Variants in SETBP1 observed in about 807,000 individuals in gnomAD.
The protein encoded by SETBP1 is SET binding protein 1.
A neutral mutation model predicts 101.0 loss-of-function variants in SETBP1; 9 were observed. That is an observed-to-expected ratio of 0.09 (90% CI 0.05 to 0.16). The LOEUF is 0.16. SETBP1 is among the 10% of genes least tolerant of loss of function. The pLI is 1.00. For missense variants in SETBP1, 1,858 were observed against 2,033.8 expected, an observed-to-expected ratio of 0.91 and a Z score of 1.66; for synonymous variants, 818 against 788.5, an observed-to-expected ratio of 1.04 and a Z score of -0.63.
chr18:44,878,757 T>C (rs2069465888), intron 3 of SETBP1, among the ~76,000 whole-genome samples: 1 of 152,174 alleles, frequency 6.6e-6, no homozygotes, highest in Non-Finnish European at 1.5e-5. Context: ...TTTTTGTCCT[T>C]CCACCTATCT....
chr18:44,701,446 G>T lies in SETBP1; in HGVS notation c.100G>T (p.Ala34Ser), dbSNP rs1234829999. Residue 34 changes from alanine (A) to serine (S), a missense_variant, in exon 2 of 6, where the codon GCA becomes TCA. Around this residue, in one of 12 missense-constraint regions of SETBP1, gnomAD observed 97 missense variants for 101.2 expected, o/e 0.96. Coordinates refer to ENST00000649279, the MANE Select transcript of SETBP1 (RefSeq NM_015559.3). ...SAKPPAAPGC[A>S]GEPLLSTPGP... ...CAAGCCCCCAGCTGCTCCTGGCTGT[G>T]CAGGAGAACCTTTGCTCTCCACTCC... The T allele has an allele frequency of 1.9e-6, 3 of 1,611,224 alleles. No individual in the cohort carries two copies. Among genetic ancestry groups the T allele is most frequent in the Admixed American group, 3.4e-5 (2 of 59,668 alleles).
At position 44,773,793 on chromosome 18, in the gene SETBP1, C is replaced by CCTCTCT. The variant is rs377709717; in HGVS notation, c.486+71986_486+71991dup. 1.3e-3 allele frequency among the ~76,000 whole-genome samples: 178 copies of CCTCTCT among 133,320 alleles called. 1 individual carries two copies. The highest frequency in any genetic ancestry group is 3.9e-3 in the African/African-American group (137 of 35,232). The allele number at this position is 133,320 out of a possible 152,430, so 87.5% of individuals were successfully genotyped here. A position where few individuals can be genotyped will look rare whatever the true frequency, so the allele number is the denominator to read the frequency against. ...GGTTCCAAGTATTAATCTCAACCAG[C>CCTCTCT]CTCTCTCTCTCTCTCTCTCTCTCTC... On this transcript the variant is annotated intron_variant, in intron 2 of 5. Coordinates refer to ENST00000649279, the MANE Select transcript of SETBP1 (RefSeq NM_015559.3).
intron 3 of SETBP1, among the ~76,000 whole-genome samples, chr18:44,913,594 G>A (rs2070362273): frequency 6.6e-6 from 1 of 152,224 alleles, no homozygotes; most frequent in Non-Finnish European, 1.5e-5. Flanking sequence ...GATGTCCTTG[G>A]AAAGGGCTAC....
intron 2 of SETBP1, among the ~76,000 whole-genome samples, chr18:44,711,233 C>T (rs1196562729): frequency 6.8e-6 from 1 of 146,530 alleles, no homozygotes; most frequent in African/African-American, 2.5e-5. Context: ...CCATTCCTCC[C>T]TCCCTCCCCT....
At chr18:45,012,301 T>C (rs1191595568) in intron 4 of SETBP1, among the ~76,000 whole-genome samples, 1 of 152,100 alleles carries the variant, frequency 6.6e-6, no homozygotes, top group African/African-American at 2.4e-5. Context: ...TGTATTGTGG[T>C]TATCATGGGA....
At chr18:44,897,208 G>T (rs956593238) in intron 3 of SETBP1, among the ~76,000 whole-genome samples, 1 of 152,184 alleles carries the variant, frequency 6.6e-6, no homozygotes, top group Admixed American at 6.5e-5. Flanking sequence ...ACCCAAATTG[G>T]TGAGGTGTGG....
intron 2 of SETBP1, among the ~76,000 whole-genome samples, chr18:44,807,223 G>T (rs1249542779): frequency 6.6e-6 from 1 of 152,030 alleles, no homozygotes; most frequent in African/African-American, 2.4e-5. Flanking sequence ...TTTATAGATT[G>T]TACATATAGT....
chr18:44,848,738 A>G (rs1020744104), intron 2 of SETBP1, among the ~76,000 whole-genome samples: 1 of 152,222 alleles, frequency 6.6e-6, no homozygotes. Flanking sequence ...TTATTTGAGC[A>G]TTGTCATTCG....
At chr18:44,904,333 C>A (rs930296136) in intron 3 of SETBP1, among the ~76,000 whole-genome samples, 104 of 152,288 alleles carry the variant, frequency 6.8e-4, no homozygotes, top group African/African-American at 2.4e-3. Flanking sequence ...TTGCTCTATG[C>A]CTGGGAGTGA....
chr18:44,763,774 G>T (rs1304532809), intron 2 of SETBP1, among the ~76,000 whole-genome samples: 1 of 152,046 alleles, frequency 6.6e-6, no homozygotes, highest in African/African-American at 2.4e-5. Context: ...TTTAAAATAT[G>T]TTTCCCTTGG....
chr18:45,020,708 C>T (rs1343185601), intron 4 of SETBP1, among the ~76,000 whole-genome samples: 1 of 152,182 alleles, frequency 6.6e-6, no homozygotes, highest in East Asian at 1.9e-4. Flanking sequence ...TGTCCTGAAT[C>T]TCTGTCCTCT....
intron 4 of SETBP1, among the ~76,000 whole-genome samples, chr18:45,037,667 T>C (rs2073424236): frequency 6.6e-6 from 1 of 152,184 alleles, no homozygotes; most frequent in African/African-American, 2.4e-5. Context: ...TAGCTCTTAC[T>C]GTTTGTTACA....
intron 3 of SETBP1, among the ~76,000 whole-genome samples, chr18:44,917,495 G>GATAT (rs2070458470): frequency 6.6e-6 from 1 of 152,088 alleles, no homozygotes; most frequent in African/African-American, 2.4e-5. Flanking sequence ...TTTTAACCCA[G>GATAT]GACCAAGTTA....
intron 4 of SETBP1, among the ~76,000 whole-genome samples, chr18:45,023,725 A>C (rs1400076561): frequency 6.6e-6 from 1 of 152,162 alleles, no homozygotes; most frequent in Non-Finnish European, 1.5e-5. Flanking sequence ...TGTCCACCCT[A>C]AATGCCTTTT....
intron 2 of SETBP1, among the ~76,000 whole-genome samples, chr18:44,722,466 G>C (rs960446852): frequency 2.0e-5 from 3 of 152,190 alleles, no homozygotes; most frequent in African/African-American, 7.2e-5. Context: ...GGAGATGTTA[G>C]AGTAGTATTT....
At position 45,038,630 on chromosome 18, in the gene SETBP1, T is replaced by C. The variant is rs573529700; in HGVS notation, c.4146T>C (p.Ala1382=). The part of the protein sequence containing the change: ...IPPAPVLSLL[A]ASAATSDAVG... The stretch of plus-strand genomic sequence containing the variant: ...CAGCCCCAGTGTTATCTCTCCTTGC[T>C]GCATCTGCAGCAACGTCGGATGCAG... Residue 1382 remains alanine, a synonymous_variant, in exon 5 of 6, where the codon GCT becomes GCC. Transcript: ENST00000649279. 6.2e-6 allele frequency: 10 copies of C among 1,614,190 alleles called. No individual in the cohort carries two copies. In the Admixed American group the frequency reaches 6.7e-5, roughly 11 times the overall value.
intron 3 of SETBP1, among the ~76,000 whole-genome samples, chr18:44,918,721 C>T (rs558695649): frequency 6.6e-6 from 1 of 152,314 alleles, no homozygotes; most frequent in Admixed American, 6.5e-5. Context: ...AGAATGTTTA[C>T]AAAAGAAGAT....
intron 3 of SETBP1, among the ~76,000 whole-genome samples, chr18:44,927,818 C>T (rs919581730): frequency 3.3e-5 from 5 of 152,052 alleles, no homozygotes; most frequent in Non-Finnish European, 5.9e-5. Context: ...ATGCTGTACC[C>T]CTGTTAGTGG....
intron 3 of SETBP1, among the ~76,000 whole-genome samples, chr18:44,884,123 C>G (rs2069589079): frequency 1.3e-5 from 2 of 152,152 alleles, no homozygotes; most frequent in South Asian, 4.1e-4. Flanking sequence ...CATCCAAAGG[C>G]AAGGCAGTAG....
Sources: gnomAD v4.1 joint callset for allele counts (sites outside exome capture counted in the v4.1 genomes callset) on GRCh38, gnomAD v4.1.1 for gene constraint, gnomAD v4.1.1 regional missense constraint, MANE v1.5 for transcripts, NCBI Gene and HGNC (gene_info 2026-07-23, HGNC 2026-07-21) for gene names.